Variants in INSL6 observed in about 807,000 individuals in gnomAD.
INSL6 encodes the protein insulin-like peptide INSL6.
Under a neutral mutation model 9.4 loss-of-function variants are expected in INSL6, and 16 were observed. The ratio of observed to expected loss-of-function variants is 1.70; its 90% CI spans 1.15 to 2.59. The LOEUF (loss-of-function observed/expected upper bound fraction) is 2.59, where lower values mean the gene tolerates loss of function less well. Ranked by LOEUF, INSL6 falls within the 30% of genes most tolerant of loss-of-function variation. INSL6 has a pLI of 0.00. For synonymous variants in INSL6, 154 were observed against 96.9 expected, an observed-to-expected ratio of 1.59 and a Z score of -3.46; for missense variants, 391 against 257.3, an observed-to-expected ratio of 1.52 and a Z score of -3.56.
rs1213634335 is a variant in INSL6, at chr9:5,157,003, C to G, written c.376+7176G>C. Among the ~76,000 whole-genome samples, 5 of 152,022 alleles carry G rather than the reference C, an allele frequency of 3.3e-5. No homozygotes were observed. The South Asian group carries it at 6.2e-4, about 19-fold the overall frequency. On this transcript the variant is annotated intron_variant, in intron 2 of 3. Coordinates refer to the INSL6 transcript ENST00000649639. ...CTGCACTCCAGCCTGGGTGACAGAA[C>G]AAGACTGTTTCAAAAAATAAAATAA...
chr9:5,111,487 C>T, the INSL6 span: 18 of 373,682 alleles, frequency 4.8e-5, no homozygotes, highest in Middle Eastern at 5.7e-4. Flanking sequence ...GTGAGGAGTA[C>T]GGTAGGGATG....
chr9:5,050,904 GT>G, the INSL6 span: 1 of 1,298,260 alleles, frequency 7.7e-7, no homozygotes, highest in Non-Finnish European at 1.1e-6. Context: ...TATTTTCTGT[GT>G]TTACCCATGC....
chr9:5,094,936 G>A, the INSL6 span: 1 of 152,038 alleles, frequency 6.6e-6, no homozygotes, highest in African/African-American at 2.4e-5. Flanking sequence ...TACCTTTTAT[G>A]AAAAAATTTC....
the INSL6 span, among the ~76,000 whole-genome samples, chr9:5,117,597 GTTTATT>G: frequency 1.3e-5 from 2 of 152,134 alleles, no homozygotes; most frequent in African/African-American, 4.8e-5. Context: ...TCTTATCAAA[GTTTATT>G]TTGGAAATAG....
chr9:5,083,199 A>G, the INSL6 span, among the ~76,000 whole-genome samples: 3 of 140,794 alleles, frequency 2.1e-5, no homozygotes, highest in African/African-American at 8.2e-5. Context: ...TAGTTATCTC[A>G]GGGAGAATTA....
downstream of INSL6, among the ~76,000 whole-genome samples, chr9:5,120,207 G>A (rs1280307190): frequency 6.6e-6 from 1 of 152,180 alleles, no homozygotes; most frequent in Non-Finnish European, 1.5e-5. Flanking sequence ...AAAGTGGAAG[G>A]GCGAGAGGGG....
intron 2 of INSL6, among the ~76,000 whole-genome samples, chr9:5,142,501 G>C (rs1472127952): frequency 6.6e-6 from 1 of 152,146 alleles, no homozygotes; most frequent in African/African-American, 2.4e-5. Context: ...CTCTCAACTT[G>C]AGGTGTTGTT....
chr9:5,165,954 G>C (rs1042825135), intron 1 of INSL6, among the ~76,000 whole-genome samples: 1 of 152,188 alleles, frequency 6.6e-6, no homozygotes, highest in African/African-American at 2.4e-5. Flanking sequence ...GAACAAACTG[G>C]AAGTTGGCAC....
intron 2 of INSL6, among the ~76,000 whole-genome samples, chr9:5,137,341 G>A (rs1824404775): frequency 6.6e-6 from 1 of 152,122 alleles, no homozygotes; most frequent in Non-Finnish European, 1.5e-5. Context: ...GAACAAAGCT[G>A]GAGGCATCAC....
At chr9:5,071,940 T>A in the INSL6 span, among the ~76,000 whole-genome samples, 3 of 152,254 alleles carry the variant, frequency 2.0e-5, no homozygotes, top group Non-Finnish European at 4.4e-5. Context: ...AATGCACATT[T>A]ACTATGTGTC....
the INSL6 span, among the ~76,000 whole-genome samples, chr9:5,043,439 G>A: frequency 4.6e-5 from 7 of 152,160 alleles, no homozygotes; most frequent in East Asian, 7.7e-4. Context: ...AAATCAGAAA[G>A]ACAAACAATA....
intron 1 of INSL6, among the ~76,000 whole-genome samples, chr9:5,179,232 A>G (rs1297734186): frequency 1.3e-5 from 2 of 152,200 alleles, no homozygotes; most frequent in African/African-American, 4.8e-5. Context: ...AAAAGAAGAC[A>G]TATATGTGGC....
chr9:5,104,177 A>G, the INSL6 span, among the ~76,000 whole-genome samples: 3 of 152,184 alleles, frequency 2.0e-5, no homozygotes, highest in African/African-American at 4.8e-5. Context: ...CAAGACTAAT[A>G]AAGAAGAAAA....
At chr9:5,044,377 GAC>G in the INSL6 span, 2 of 1,427,018 alleles carry the variant, frequency 1.4e-6, no homozygotes, top group Non-Finnish European at 2.0e-6. Flanking sequence ...TTTGGAAGCT[GAC>G]CAAATGTTTT....
At chr9:4,999,663 T>C in the INSL6 span, among the ~76,000 whole-genome samples, 1 of 151,890 alleles carries the variant, frequency 6.6e-6, no homozygotes, top group African/African-American at 2.4e-5. Flanking sequence ...AGTCTGATGT[T>C]CAAGGGCAGG....
downstream of INSL6, among the ~76,000 whole-genome samples, chr9:5,160,307 T>C (rs1824900132): frequency 6.6e-6 from 1 of 151,678 alleles, no homozygotes; most frequent in South Asian, 2.1e-4. Context: ...TTTTGGAAAC[T>C]ATACAAACAC....
chr9:5,163,956 C>T lies in INSL6; in HGVS notation c.599G>A (p.Arg200Lys), dbSNP rs765000491. The change falls in exon 2 of 2, where the codon AGG becomes AAG. Residue 200 changes from arginine to lysine, a missense_variant. Arg to Lys is a conservative substitution (Grantham distance 26). Coordinates refer to ENST00000381641, the MANE Select transcript of INSL6 (RefSeq NM_007179.3). ...IACLPYIDFK[R>K]LKEKRSSLVT... ...AAGTGATGATCTTTTTTCCTTTAGC[C>T]TTTTAAAATCAATATATGGAAGACA... 8.7e-6 allele frequency: 14 copies of T among 1,608,534 alleles called. No homozygotes were observed. The highest frequency in any genetic ancestry group is 3.3e-5 in the Admixed American group (2 of 59,714).
the INSL6 span, among the ~76,000 whole-genome samples, chr9:5,065,728 A>G: frequency 6.6e-6 from 1 of 152,204 alleles, no homozygotes; most frequent in Non-Finnish European, 1.5e-5. Flanking sequence ...ATTTAGCTTA[A>G]GTCCTAATGA....
the INSL6 span, chr9:5,041,763 G>T: frequency 2.0e-6 from 1 of 489,270 alleles, no homozygotes; most frequent in South Asian, 1.5e-5. Context: ...TGTCCACACC[G>T]ACCTGCCCTC....
Sources: allele counts gnomAD v4.1 joint callset (sites outside exome capture counted in the v4.1 genomes callset), GRCh38; gene constraint gnomAD v4.1.1; transcripts MANE v1.5; gene names NCBI Gene and HGNC (gene_info 2026-07-23, HGNC 2026-07-21).